Variants in FLT3 observed in about 807,000 individuals in gnomAD.
FLT3 encodes receptor-type tyrosine-protein kinase FLT3.
A neutral mutation model predicts 126.6 loss-of-function variants in FLT3; 46 were observed. The observed-to-expected ratio is 0.36, with a 90% confidence interval of 0.29 to 0.46. FLT3 has a LOEUF of 0.46. Among genes scored for constraint, FLT3 ranks in the 20% least tolerant of loss-of-function variants. The pLI is 1.00. For missense variants in FLT3, 1,069 were observed against 1,190.3 expected, an observed-to-expected ratio of 0.90 and a Z score of 1.50; for synonymous variants, 404 against 434.4, an observed-to-expected ratio of 0.93 and a Z score of 0.87.
chr13:28,096,488 G>C (rs569124882), intron 1 of FLT3, among the ~76,000 whole-genome samples: 5 of 151,566 alleles, frequency 3.3e-5, no homozygotes, highest in Admixed American at 1.3e-4. Context: ...CAAGGGTATA[G>C]TGCAATGGCG....
chr13:28,034,295 T>A lies in FLT3; in HGVS notation c.1704+6A>T, dbSNP rs760501675. On this transcript the variant is annotated splice_donor_region_variant and intron_variant, in intron 13 of 23. Transcript: ENST00000241453. ...AAGAATAATGAATTTTTACCTTTGC[T>A]TTTACCTTTTTGTACTTGTGACAAA... The A allele has an allele frequency of 6.2e-7, 1 of 1,613,306 alleles. No individual in the cohort carries two copies. The highest frequency in any genetic ancestry group is 8.5e-7 in the Non-Finnish European group (1 of 1,179,250).
intron 2 of FLT3, among the ~76,000 whole-genome samples, chr13:28,069,006 A>G (rs577015418): frequency 1.3e-5 from 2 of 150,140 alleles, no homozygotes; most frequent in African/African-American, 2.5e-5. Flanking sequence ...CGAACAGCGT[A>G]AAAGAGAGGA....
At chr13:28,065,688 T>A (rs1246360554) in intron 2 of FLT3, among the ~76,000 whole-genome samples, 1 of 141,724 alleles carries the variant, frequency 7.1e-6, no homozygotes, top group Non-Finnish European at 1.5e-5. Context: ...ATAATCCAGG[T>A]GTGGTGGCTC....
At position 28,015,321 on chromosome 13, in the gene FLT3, A is replaced by G. The variant is rs1871744254; in HGVS notation, c.2654-65T>C. ...TCTTCATTTGTTTATTGATTCATTC[A>G]ATTAAACACGTATTGAGATCTGCCA... On this transcript the variant is annotated intron_variant, in intron 21 of 23. Transcript: ENST00000241453. The G allele has an allele frequency of 3.8e-5, 41 of 1,077,312 alleles. 1 individual carries two copies. In the South Asian group the frequency reaches 5.2e-4, roughly 14 times the overall value. The allele number at this position is 1,077,312 out of a possible 1,614,324, so 66.7% of individuals were successfully genotyped here.
At chr13:28,056,610 G>C (rs189344621) in intron 4 of FLT3, among the ~76,000 whole-genome samples, 15 of 152,304 alleles carry the variant, frequency 9.8e-5, no homozygotes, top group African/African-American at 1.4e-4. Flanking sequence ...CACGCAGGTG[G>C]TGCCTCTGCC....
At chr13:28,007,541 C>T (rs920661957) in intron 23 of FLT3, among the ~76,000 whole-genome samples, 2 of 152,184 alleles carry the variant, frequency 1.3e-5, no homozygotes, top group South Asian at 4.1e-4. Flanking sequence ...GCCACCACAC[C>T]CGACTTCTTT....
At chr13:28,041,406 T>G (rs1039475482) in intron 9 of FLT3, among the ~76,000 whole-genome samples, 1 of 152,186 alleles carries the variant, frequency 6.6e-6, no homozygotes, top group Non-Finnish European at 1.5e-5. Context: ...GTACAATTAC[T>G]TATCATGAGG....
intron 15 of FLT3, among the ~76,000 whole-genome samples, chr13:28,032,202 C>T (rs1467968866): frequency 6.6e-6 from 1 of 152,146 alleles, no homozygotes; most frequent in African/African-American, 2.4e-5. Context: ...GGGAATTCAC[C>T]TTGCATACAC....
rs568401406 is a variant in FLT3 at position 28,024,951 on chromosome 13, A to C, written c.2208-8T>G. 2 of 1,592,726 alleles carry C rather than the reference A, an allele frequency of 1.3e-6. No homozygotes were observed. The highest frequency in any genetic ancestry group is 1.3e-5 in the African/African-American group (1 of 74,214). On this transcript the variant is annotated splice_polypyrimidine_tract_variant and splice_region_variant and intron_variant, in intron 17 of 23. Coordinates refer to ENST00000241453, the MANE Select transcript of FLT3 (RefSeq NM_004119.3). ...TCTCTTGAACCAGGCATGCTATTAA[A>C]AAATTTTGTTTTTTCATTATTTACA... is the stretch of plus-strand genomic sequence containing the variant.
At chr13:28,087,175 TC>T (rs1878729684) in intron 1 of FLT3, among the ~76,000 whole-genome samples, 3 of 152,164 alleles carry the variant, frequency 2.0e-5, no homozygotes, top group Non-Finnish European at 4.4e-5. Flanking sequence ...GCTCTAGCAA[TC>T]CTCCTACCTC....
Position 28,050,152 on chromosome 13 carries a change from T to C in FLT3, c.685A>G (p.Ile229Val). 1 of 1,614,100 alleles carries C rather than the reference T, an allele frequency of 6.2e-7. No homozygotes were observed. Among genetic ancestry groups the C allele is most frequent in the Non-Finnish European group, 8.5e-7 (1 of 1,179,918 alleles). ...KVLHELFGTD[I>V]RCCARNELGR... The stretch of plus-strand genomic sequence containing the variant: ...AGTTCATTTCTGGCACAGCACCTTA[T>C]GTCCGTCCCAAATAATTCATGAAGC... Residue 229 changes from isoleucine (I) to valine (V), a missense_variant, in exon 6 of 24, where the codon ATA becomes GTA. Coordinates refer to ENST00000241453, the MANE Select transcript of FLT3 (RefSeq NM_004119.3).
At chr13:28,064,504 G>A (rs1486936918) in intron 2 of FLT3, among the ~76,000 whole-genome samples, 6 of 151,880 alleles carry the variant, frequency 4.0e-5, no homozygotes, top group East Asian at 3.9e-4. Context: ...CCTGGGAGGC[G>A]GAGGCTGCAG....
At chr13:28,035,103 G>A (rs1056862689) in intron 12 of FLT3, among the ~76,000 whole-genome samples, 2 of 148,576 alleles carry the variant, frequency 1.3e-5, no homozygotes, top group African/African-American at 5.3e-5. Flanking sequence ...TTTCACAACT[G>A]TTTAACTTAG....
chr13:28,072,907 A>C (rs1877645716), intron 1 of FLT3, among the ~76,000 whole-genome samples: 1 of 151,808 alleles, frequency 6.6e-6, no homozygotes, highest in South Asian at 2.1e-4. Context: ...CGGGAGGCTG[A>C]GGCAGGAGAA....
Position 28,048,392 on chromosome 13 carries a change from T to C in FLT3, c.1088A>G (p.Gln363Arg). Residue 363 changes from glutamine (Q) to arginine (R), a missense_variant, in exon 9 of 24, where the codon CAA (glutamine) becomes CGA (arginine). Gln to Arg is a conservative substitution (Grantham distance 43). Transcript: ENST00000241453. ...GACAGAAAAACAAAACTCTTCATAT[T>C]GGTCAATTTCATAATCTTCACTTGA... is the stretch of plus-strand genomic sequence containing the variant. ...TNSSEDYEID[Q>R]YEEFCFSVRF... The C allele has an allele frequency of 6.2e-7, 1 of 1,611,600 alleles. No individual in the cohort carries two copies. The highest frequency in any genetic ancestry group is 8.5e-7 in the Non-Finnish European group (1 of 1,177,698).
Position 28,100,394 on chromosome 13 carries a change from C to T in FLT3, c.43+74G>A. Reference sequence around the variant, plus strand: ...CGAGGCGGCTGGGCCGGAGGAGGCGCGCGCCCGGGTCCACACTGCGGGGTG... The same window carrying T: ...CGAGGCGGCTGGGCCGGAGGAGGCGTGCGCCCGGGTCCACACTGCGGGGTG... On this transcript the variant is annotated intron_variant, in intron 1 of 23. Coordinates refer to ENST00000241453, the MANE Select transcript of FLT3 (RefSeq NM_004119.3). The surrounding 1 kb of genome is among the most constrained non-coding windows in gnomAD (Gnocchi z 4.8). 1.9e-6 allele frequency: 2 copies of T among 1,071,076 alleles called. No homozygotes were observed. The highest frequency in any genetic ancestry group is 4.7e-5 in the South Asian group (1 of 21,368). The allele number at this position is 1,071,076 out of a possible 1,614,324, so 66.3% of individuals were successfully genotyped here.
intron 12 of FLT3, 116 bp from the exon 13 acceptor site, chr13:28,034,523 C>A (rs971928997): frequency 2.9e-5 from 21 of 729,258 alleles, no homozygotes; most frequent in Non-Finnish European, 4.8e-5. Context: ...ATTTTCAGTC[C>A]TAACAACCAC....
intron 1 of FLT3, 74 bp from the exon 2 acceptor site, chr13:28,070,686 C>A (rs1877428705): frequency 8.4e-7 from 1 of 1,192,692 alleles, no homozygotes; most frequent in Non-Finnish European, 1.2e-6. Context: ...TATCTTGCAA[C>A]CAAACAACAA....
chr13:28,051,498 A>C (rs1875457720), intron 5 of FLT3, among the ~76,000 whole-genome samples: 1 of 150,170 alleles, frequency 6.7e-6, no homozygotes, highest in Non-Finnish European at 1.5e-5. Context: ...CGGCCTCCCA[A>C]ATTGCTGGGA....
Sources: gnomAD v4.1 joint callset for allele counts (sites outside exome capture counted in the v4.1 genomes callset) on GRCh38, gnomAD v4.1.1 for gene constraint, Gnocchi (gnomAD v3.1) non-coding constraint, MANE v1.5 for transcripts, NCBI Gene and HGNC (gene_info 2026-07-23, HGNC 2026-07-21) for gene names.